RAB6B: variants seen among roughly 807,000 people sequenced by gnomAD.
The protein encoded by RAB6B is ras-related protein Rab-6B.
A neutral mutation model predicts 31.2 loss-of-function variants in RAB6B; 7 were observed. That is an observed-to-expected ratio of 0.22 (90% CI 0.13 to 0.42). The LOEUF (loss-of-function observed/expected upper bound fraction) is 0.42. Among genes scored for constraint, RAB6B ranks in the 10% least tolerant of loss-of-function variants. RAB6B has a pLI of 1.00. For synonymous variants in RAB6B, 105 were observed against 104.9 expected (o/e 1.00, Z -0.01); for missense variants, 149 against 280.6 (o/e 0.53, Z 3.35).
At position 133,895,572 on chromosome 3, in the gene RAB6B, G is replaced by A. The variant is rs528495223; in HGVS notation, c.-106C>T. 11 of 1,161,824 alleles carry A rather than the reference G, an allele frequency of 9.5e-6. No individual in the cohort carries two copies. Among genetic ancestry groups the A allele is most frequent in the South Asian group, 2.7e-5 (2 of 74,918 alleles). The allele number at this position is 1,161,824 out of a possible 1,614,324, so 72.0% of individuals were successfully genotyped here. On this transcript the variant is annotated 5_prime_UTR_variant, in exon 1 of 8. Coordinates refer to ENST00000285208, the MANE Select transcript of RAB6B (RefSeq NM_016577.4). ...GGCGGCCGGCGGTGCGGGAGCCGGA[G>A]GGGGAAGGGCTGGCTGCGCGCGTCC...
intron 2 of RAB6B, 54 bp from the exon 3 acceptor site, chr3:133,841,717 C>T: frequency 1.9e-6 from 3 of 1,588,030 alleles, no homozygotes; most frequent in East Asian, 2.2e-5. Flanking sequence ...TGCAAAGGGG[C>T]AAAAGCCTAG....
At chr3:133,866,631 C>T (rs1040429704) in intron 1 of RAB6B, among the ~76,000 whole-genome samples, 7 of 152,242 alleles carry the variant, frequency 4.6e-5, no homozygotes, top group African/African-American at 7.2e-5. Context: ...AGCATTCTGA[C>T]TGCTTTAAAT....
chr3:133,834,966 A>T (rs1444416065), intron 6 of RAB6B, among the ~76,000 whole-genome samples: 1 of 152,182 alleles, frequency 6.6e-6, no homozygotes, highest in Non-Finnish European at 1.5e-5. Flanking sequence ...TGGTGCAGAA[A>T]ATGGTTTGGG....
chr3:133,840,271 CCT>C (rs562174362), intron 4 of RAB6B, among the ~76,000 whole-genome samples: 44 of 152,318 alleles, frequency 2.9e-4, no homozygotes, highest in African/African-American at 1.1e-3. Context: ...GCCTGACCCC[CCT>C]CAGCTGCCAT....
chr3:133,845,247 T>A (rs925534793), intron 2 of RAB6B, among the ~76,000 whole-genome samples: 6 of 152,182 alleles, frequency 3.9e-5, no homozygotes, highest in Non-Finnish European at 4.4e-5. Context: ...TAATCCTCAA[T>A]GTGATAGTAT....
At chr3:133,873,507 G>A (rs969882392) in intron 1 of RAB6B, among the ~76,000 whole-genome samples, 2 of 152,140 alleles carry the variant, frequency 1.3e-5, no homozygotes, top group Non-Finnish European at 2.9e-5. Flanking sequence ...CCATCCTCAG[G>A]TACCTGACCA....
In RAB6B at chr3:133,838,235, C is replaced by T; in HGVS notation, c.426G>A (p.Glu142=). 2 of 1,614,132 alleles carry T rather than the reference C, an allele frequency of 1.2e-6. No homozygotes were observed. The highest frequency in any genetic ancestry group is 2.2e-5 in the South Asian group (2 of 91,082). ...DKRQITIEEG[E]QRAKELSVMF... is the part of the protein sequence containing the mutation. ...TGACGCTCAGTTCTTTGGCGCGCTG[C>T]TCCCCCTCCTCGATGGTTATCTGCC... Residue 142 remains glutamate (E), a synonymous_variant, in exon 6 of 8, where the codon GAG becomes GAA. Transcript: ENST00000285208.
At chr3:133,850,790 C>G (rs1321588265) in intron 2 of RAB6B, among the ~76,000 whole-genome samples, 1 of 151,832 alleles carries the variant, frequency 6.6e-6, no homozygotes, top group Non-Finnish European at 1.5e-5. Context: ...TTTACAGATT[C>G]AAAAACTCAT....
At chr3:133,846,075 C>A (rs1274949702) in intron 2 of RAB6B, among the ~76,000 whole-genome samples, 1 of 152,126 alleles carries the variant, frequency 6.6e-6, no homozygotes, top group Non-Finnish European at 1.5e-5. Flanking sequence ...CAAACTGAAG[C>A]ACAGAGAGAA....
chr3:133,854,583 T>C (rs1936048011), intron 2 of RAB6B, among the ~76,000 whole-genome samples: 1 of 152,242 alleles, frequency 6.6e-6, no homozygotes, highest in Admixed American at 6.5e-5. Context: ...TCCTTTAATA[T>C]CTTTGTGCTT....
chr3:133,837,748 C>G (rs1021510198), intron 6 of RAB6B, among the ~76,000 whole-genome samples: 3 of 152,192 alleles, frequency 2.0e-5, no homozygotes, highest in African/African-American at 7.2e-5. Context: ...CCTCCACAGC[C>G]CTGAGCACTT....
intron 2 of RAB6B, among the ~76,000 whole-genome samples, chr3:133,843,924 G>A (rs1454885441): frequency 6.6e-6 from 1 of 152,148 alleles, no homozygotes; most frequent in Admixed American, 6.5e-5. Flanking sequence ...CAGCAGCGCT[G>A]GACTGCTCAG....
intron 1 of RAB6B, chr3:133,885,671 G>A (rs1936535592): frequency 2.8e-6 from 2 of 701,798 alleles, no homozygotes; most frequent in Admixed American, 2.0e-5. Flanking sequence ...GGGCACTGTG[G>A]AGATAGGATG....
At chr3:133,865,390 A>T (rs548018953) in intron 1 of RAB6B, among the ~76,000 whole-genome samples, 1 of 152,330 alleles carries the variant, frequency 6.6e-6, no homozygotes, top group South Asian at 2.1e-4. Context: ...AAATGCTGCT[A>T]ATTTCCCAAA....
At position 133,895,460 on chromosome 3, in the gene RAB6B, C is replaced by T. The variant is rs199656580; in HGVS notation, c.7G>A (p.Ala3Thr). 1.9e-5 allele frequency: 31 copies of T among 1,610,442 alleles called. No individual in the cohort carries two copies. The highest frequency in any genetic ancestry group is 2.5e-5 in the Non-Finnish European group (30 of 1,178,496). Reference sequence around the variant, plus strand: ...AGTGGATTCCCAAAATCTCCCCCTGCGGACATGGTGCTGGCAGCCGGGGCC... The same window carrying T: ...AGTGGATTCCCAAAATCTCCCCCTGTGGACATGGTGCTGGCAGCCGGGGCC... MS[A>T]GGDFGNPLRK... Residue 3 changes from alanine (A) to threonine (T), a missense_variant, in exon 1 of 8, where the codon GCA becomes ACA. Around this residue, in one of 2 missense-constraint regions of RAB6B, gnomAD observed 75 missense variants for 180.1 expected, o/e 0.42. Coordinates refer to ENST00000285208, the MANE Select transcript of RAB6B (RefSeq NM_016577.4).
At chr3:133,859,044 T>C (rs562025267) in intron 2 of RAB6B, among the ~76,000 whole-genome samples, 1 of 152,292 alleles carries the variant, frequency 6.6e-6, no homozygotes, top group East Asian at 1.9e-4. Flanking sequence ...AGTGGCATGA[T>C]CATGGCTCAC....
intron 2 of RAB6B, among the ~76,000 whole-genome samples, chr3:133,846,333 G>C (rs1309982295): frequency 1.3e-5 from 2 of 152,196 alleles, no homozygotes; most frequent in African/African-American, 4.8e-5. Context: ...TGTAATCCCA[G>C]TTACTTAGAA....
At chr3:133,828,936 C>T (rs1935616377) in intron 7 of RAB6B, 84 bp from the exon 8 acceptor site, 1 of 1,287,904 alleles carries the variant, frequency 7.8e-7, no homozygotes, top group African/African-American at 1.5e-5. Context: ...CCTTTGGCTA[C>T]TGCTCTGTTT....
At chr3:133,838,049 G>T in intron 6 of RAB6B, 117 bp downstream of exon 6, 1 of 1,055,132 alleles carries the variant, frequency 9.5e-7, no homozygotes. Context: ...TGTTCTGGTT[G>T]GCTGCCCCAA....
Sources: allele counts gnomAD v4.1 joint callset (sites outside exome capture counted in the v4.1 genomes callset), GRCh38; gene constraint gnomAD v4.1.1; regional missense constraint gnomAD v4.1.1; transcripts MANE v1.5; gene names NCBI Gene and HGNC (gene_info 2026-07-23, HGNC 2026-07-21).